Variants in MAMDC2 observed in about 807,000 individuals in gnomAD.
The protein encoded by MAMDC2 is MAM domain containing 2.
Under a neutral mutation model 89.8 loss-of-function variants are expected in MAMDC2, and 57 were observed. The observed-to-expected ratio is 0.63, with a 90% CI of 0.51 to 0.79. The LOEUF (loss-of-function observed/expected upper bound fraction) is 0.79, where lower values mean the gene tolerates loss of function less well. Ranked by LOEUF, MAMDC2 falls within the 30% of genes least tolerant of loss-of-function variation. MAMDC2 has a pLI of 0.00. For missense variants in MAMDC2, 800 were observed against 820.6 expected, an observed-to-expected ratio of 0.97 and a Z score of 0.31; for synonymous variants, 313 against 293.4, an observed-to-expected ratio of 1.07 and a Z score of -0.68.
intron 5 of MAMDC2, among the ~76,000 whole-genome samples, chr9:70,117,635 AAC>A (rs1458471717): frequency 6.6e-6 from 1 of 152,186 alleles, no homozygotes; most frequent in Non-Finnish European, 1.5e-5. Flanking sequence ...TAAAAAAAAA[AAC>A]AGTCATTAAC....
rs890194415 is a variant in MAMDC2 at position 70,199,807 on chromosome 9, A to G, written c.1652-18530A>G. Among the ~76,000 whole-genome samples, 18 of 146,606 alleles carry G rather than the reference A, an allele frequency of 1.2e-4. No individual in the cohort carries two copies. In the South Asian group the frequency reaches 3.4e-3, roughly 28 times the overall value. Reference sequence around the variant, plus strand: ...TGCATTTCTCTGAGGGCCAGTGATGATGAGCATTTTTTCATGTGTTTTTTG... The same window carrying G: ...TGCATTTCTCTGAGGGCCAGTGATGGTGAGCATTTTTTCATGTGTTTTTTG... On this transcript the variant is annotated intron_variant, in intron 11 of 13. Coordinates refer to ENST00000377182, the MANE Select transcript of MAMDC2 (RefSeq NM_153267.5).
At chr9:70,220,505 A>G (rs1199480894) in intron 12 of MAMDC2, among the ~76,000 whole-genome samples, 1 of 152,200 alleles carries the variant, frequency 6.6e-6, no homozygotes, top group African/African-American at 2.4e-5. Flanking sequence ...GCTCCAAAAC[A>G]TCCTAGTGTC....
At chr9:70,165,004 A>C (rs1436533154) in intron 9 of MAMDC2, among the ~76,000 whole-genome samples, 1 of 151,230 alleles carries the variant, frequency 6.6e-6, no homozygotes, top group Non-Finnish European at 1.5e-5. Context: ...ACCCTCTTAG[A>C]TACTAATATA....
intron 11 of MAMDC2, among the ~76,000 whole-genome samples, chr9:70,183,862 TATTTGATTCTGTCATTATGTGA>T (rs1476181100): frequency 6.6e-6 from 1 of 152,196 alleles, no homozygotes; most frequent in Non-Finnish European, 1.5e-5. Context: ...TTAATATTGT[TATTTGATTCTGTCATTATGTGA>T]ATTTGATTCT....
intron 2 of MAMDC2, among the ~76,000 whole-genome samples, chr9:70,076,175 C>A (rs1250017628): frequency 1.3e-5 from 2 of 152,162 alleles, no homozygotes; most frequent in Admixed American, 6.5e-5. Context: ...GTAATCCCAG[C>A]ACTTTGGGAG....
chr9:70,084,507 T>C (rs1002156285), intron 2 of MAMDC2, among the ~76,000 whole-genome samples: 1 of 152,170 alleles, frequency 6.6e-6, no homozygotes, highest in African/African-American at 2.4e-5. Context: ...ACACGCTAGA[T>C]AGGTATCCCC....
chr9:70,128,844 A>C (rs927186890), intron 6 of MAMDC2, among the ~76,000 whole-genome samples: 41 of 152,122 alleles, frequency 2.7e-4, no homozygotes, highest in African/African-American at 9.7e-4. Flanking sequence ...TTTTGTAAAG[A>C]TGAGGTTTCG....
intron 2 of MAMDC2, among the ~76,000 whole-genome samples, chr9:70,090,123 TCACA>T (rs56982239): frequency 0.15 from 22,735 of 147,212 alleles, 2,091 homozygotes; most frequent in African/African-American, 0.26. Context: ...GCCAAGGATG[TCACA>T]CACACACACA....
At chr9:70,111,113 C>T (rs3015219) in intron 4 of MAMDC2, among the ~76,000 whole-genome samples, 5,007 of 152,232 alleles carry the variant, frequency 0.033, 265 homozygotes, top group African/African-American at 0.11. Context: ...TGGGCTTCCA[C>T]CTGGCATCTG....
chr9:70,172,335 TA>T (rs959783923), intron 11 of MAMDC2, among the ~76,000 whole-genome samples: 1 of 152,230 alleles, frequency 6.6e-6, no homozygotes, highest in African/African-American at 2.4e-5. Flanking sequence ...CATGACTTTT[TA>T]ATCAGGGAAG....
At chr9:70,145,208 A>T (rs1057489311) in intron 9 of MAMDC2, among the ~76,000 whole-genome samples, 16 of 152,212 alleles carry the variant, frequency 1.1e-4, no homozygotes, top group Middle Eastern at 3.4e-3. Context: ...TCCTTACGTG[A>T]TTTTATCAGT....
intron 12 of MAMDC2, among the ~76,000 whole-genome samples, chr9:70,222,050 C>T (rs1322772617): frequency 6.6e-6 from 1 of 152,004 alleles, no homozygotes; most frequent in Non-Finnish European, 1.5e-5. Context: ...GTAGCCCTGG[C>T]AAGAGGAGTG....
intron 2 of MAMDC2, among the ~76,000 whole-genome samples, chr9:70,065,983 G>C (rs548072306): frequency 1.6e-4 from 25 of 152,064 alleles, no homozygotes; most frequent in Non-Finnish European, 3.5e-4. Context: ...CATAATGTAG[G>C]GCCTGGGATA....
At chr9:70,043,769 T>C (rs1019718506), upstream of MAMDC2, 1 of 174,806 alleles carries the variant, frequency 5.7e-6, no homozygotes, top group African/African-American at 2.4e-5. Context: ...GAGGGACTCC[T>C]GGAAGGCCTG....
chr9:70,086,264 T>C (rs966154098), intron 2 of MAMDC2: 5 of 152,198 alleles, frequency 3.3e-5, no homozygotes, highest in African/African-American at 1.2e-4. Flanking sequence ...TGTTATATGC[T>C]TTCATAAAAA....
chr9:70,173,267 T>C (rs911317719), intron 11 of MAMDC2, among the ~76,000 whole-genome samples: 5 of 152,198 alleles, frequency 3.3e-5, no homozygotes, highest in African/African-American at 1.2e-4. Flanking sequence ...TTGGCTCTGA[T>C]TGGAAATGTC....
chr9:70,192,296 G>A (rs975951504), intron 11 of MAMDC2, among the ~76,000 whole-genome samples: 1 of 152,098 alleles, frequency 6.6e-6, no homozygotes, highest in Non-Finnish European at 1.5e-5. Flanking sequence ...AACAGAGACA[G>A]AGGGGATGTC....
chr9:70,215,772 C>G (rs148864381), intron 11 of MAMDC2, among the ~76,000 whole-genome samples: 33 of 152,280 alleles, frequency 2.2e-4, no homozygotes, highest in Non-Finnish European at 4.3e-4. Flanking sequence ...CAGGCCATAT[C>G]CTGAGTCAGC....
At chr9:70,217,003 G>A (rs893077787) in intron 11 of MAMDC2, among the ~76,000 whole-genome samples, 1 of 152,112 alleles carries the variant, frequency 6.6e-6, no homozygotes, top group African/African-American at 2.4e-5. Flanking sequence ...ATGGACTATT[G>A]GAAGCCCGTA....
Sources: gnomAD v4.1 joint callset for allele counts (sites outside exome capture counted in the v4.1 genomes callset) on GRCh38, gnomAD v4.1.1 for gene constraint, MANE v1.5 for transcripts, NCBI Gene and HGNC (gene_info 2026-07-23, HGNC 2026-07-21) for gene names.